Variants in NCALD observed in about 807,000 individuals in gnomAD.
The protein encoded by NCALD is neurocalcin-delta.
In NCALD, 10 loss-of-function variants were observed where a neutral mutation model predicts 18.6. The ratio of observed to expected loss-of-function variants is 0.54; its 90% confidence interval spans 0.33 to 0.91. The LOEUF is 0.91. Ranked by LOEUF, NCALD falls within the 40% of genes least tolerant of loss-of-function variation. The probability of loss-of-function intolerance (pLI) is 0.03; values close to 1 mark genes in which losing one functional copy is unlikely to be tolerated. For missense variants in NCALD, 184 were observed against 247.6 expected (o/e 0.74, Z 1.72); for synonymous variants, 88 against 87.4 (o/e 1.01, Z -0.04).
intron 1 of NCALD, among the ~76,000 whole-genome samples, chr8:101,724,515 A>C (rs1363269898): frequency 1.3e-5 from 2 of 152,224 alleles, no homozygotes; most frequent in African/African-American, 2.4e-5. Flanking sequence ...CTCATCTGTA[A>C]AATGAGTTTA....
chr8:101,744,636 A>G lies in NCALD; in HGVS notation c.-19-24988T>C, dbSNP rs140689094. On this transcript the variant is annotated intron_variant, in intron 1 of 3. Coordinates refer to ENST00000220931, the MANE Select transcript of NCALD (RefSeq NM_032041.3). Reference sequence around the variant, plus strand: ...CCATATATCTTCATTGTCAAGATCAAGCTTAGTCAGGCAAACTACCTATGG... The same window carrying G: ...CCATATATCTTCATTGTCAAGATCAGGCTTAGTCAGGCAAACTACCTATGG... 4.6e-3 allele frequency among the ~76,000 whole-genome samples: 699 copies of G among 152,314 alleles called. 9 individuals are homozygous for G. The highest frequency in any genetic ancestry group is 0.015 in the African/African-American group (616 of 41,574).
intron 1 of NCALD, among the ~76,000 whole-genome samples, chr8:101,790,151 C>T (rs551642208): frequency 6.6e-6 from 1 of 152,286 alleles, no homozygotes; most frequent in African/African-American, 2.4e-5. Context: ...TCATGCCATT[C>T]TCTTCACAGC....
intron 4 of NCALD, among the ~76,000 whole-genome samples, chr8:101,869,288 G>A (rs1220235020): frequency 2.0e-5 from 3 of 152,132 alleles, no homozygotes; most frequent in African/African-American, 7.2e-5. Flanking sequence ...GAGAGAGGGA[G>A]GAGGATCAGA....
At chr8:101,891,941 C>T (rs949133442) in intron 3 of NCALD, among the ~76,000 whole-genome samples, 7 of 152,302 alleles carry the variant, frequency 4.6e-5, no homozygotes, top group Admixed American at 4.6e-4. Flanking sequence ...GGGGGAGGGG[C>T]GCCCGCAATT....
chr8:101,688,735 C>A lies in NCALD; in HGVS notation c.*574G>T. ...TTTTTCCTCTCCTCTGTTAATTTAT[C>A]TTGAAATGTTCACAGCTTAGAAACT... On this transcript the variant is annotated 3_prime_UTR_variant, in exon 4 of 4. Transcript: ENST00000220931. 2 of 516,342 alleles carry A rather than the reference C, an allele frequency of 3.9e-6. No individual in the cohort carries two copies. Among genetic ancestry groups the A allele is most frequent in the Middle Eastern group, 3.0e-4 (1 of 3,380 alleles). 32.0% of individuals were successfully genotyped at this position (516,342 alleles called of 1,614,324 possible). A position where few individuals can be genotyped will look rare whatever the true frequency, so the allele number is the denominator to read the frequency against.
intron 2 of NCALD, among the ~76,000 whole-genome samples, chr8:101,922,115 A>T (rs1818186346): frequency 6.6e-6 from 1 of 151,876 alleles, no homozygotes; most frequent in African/African-American, 2.4e-5. Flanking sequence ...TTATGATTTA[A>T]AATATAATTA....
At chr8:101,900,788 C>T (rs565278834) in intron 3 of NCALD, among the ~76,000 whole-genome samples, 2 of 151,876 alleles carry the variant, frequency 1.3e-5, no homozygotes, top group African/African-American at 2.4e-5. Context: ...TTTTGGTATA[C>T]ATTTTGTTAG....
At chr8:101,843,582 G>GTTTTTTTTTTTTTTTTTTT (rs369393213) in intron 4 of NCALD, among the ~76,000 whole-genome samples, 1 of 125,140 alleles carries the variant, frequency 8.0e-6, no homozygotes, top group African/African-American at 3.3e-5. Flanking sequence ...TTTAAAAATT[G>GTTTTTTTTTTTTTTTTTTT]TTTTTTTTTT....
At position 101,688,973 on chromosome 8, in the gene NCALD, G is replaced by T; in HGVS notation, c.*336C>A. On this transcript the variant is annotated 3_prime_UTR_variant, in exon 4 of 4. Coordinates refer to ENST00000220931, the MANE Select transcript of NCALD (RefSeq NM_032041.3). ...AAGCTTGCAATAGAATCACAGGACT[G>T]GATGGGTTTCCCTTCTTTTGCCCCA... 1 of 672,718 alleles carries T rather than the reference G, an allele frequency of 1.5e-6. No homozygotes were observed. The highest frequency in any genetic ancestry group is 2.3e-5 in the Admixed American group (1 of 43,950). The allele number at this position is 672,718 out of a possible 1,614,324, so 41.7% of individuals were successfully genotyped here.
At chr8:101,929,415 A>C (rs1168195450) in intron 2 of NCALD, among the ~76,000 whole-genome samples, 2 of 18,388 alleles carry the variant, frequency 1.1e-4, no homozygotes, top group South Asian at 4.6e-3. Context: ...GGGAGGGAGG[A>C]AGGGAGGGAG....
rs16868236 is a variant in NCALD, at chr8:101,724,369, C to T, written c.-19-4721G>A. Among the ~76,000 whole-genome samples the T allele has an allele frequency of 3.6e-3, 548 of 152,256 alleles. 1 individual carries two copies. The highest frequency in any genetic ancestry group is 5.1e-3 in the Non-Finnish European group (349 of 68,014). ...GAATATAATCTGTTGGGAACTATGA[C>T]ACGTTGGCCTCCTGGATGTCCTGTT... On this transcript the variant is annotated intron_variant, in intron 1 of 3. Transcript: ENST00000220931.
At chr8:102,028,656 C>T (rs1195014555) in intron 1 of NCALD, among the ~76,000 whole-genome samples, 1 of 152,206 alleles carries the variant, frequency 6.6e-6, no homozygotes, top group African/African-American at 2.4e-5. Flanking sequence ...TGGTCCCTGC[C>T]CCAACACAAG....
At chr8:102,036,143 A>AAATAAATT (rs1554583488) in intron 1 of NCALD, among the ~76,000 whole-genome samples, 1,998 of 148,278 alleles carry the variant, frequency 0.013, 45 homozygotes, top group African/African-American at 0.046. Flanking sequence ...ATAAATAAAT[A>AAATAAATT]AATTAATTAA....
intron 2 of NCALD, among the ~76,000 whole-genome samples, chr8:101,968,610 G>C (rs1820122199): frequency 6.6e-6 from 1 of 152,120 alleles, no homozygotes; most frequent in Non-Finnish European, 1.5e-5. Context: ...AATGCTTGCT[G>C]TAATGCCTGC....
At chr8:101,875,208 C>A (rs796782643) in intron 4 of NCALD, among the ~76,000 whole-genome samples, 61 of 152,272 alleles carry the variant, frequency 4.0e-4, no homozygotes, top group African/African-American at 1.4e-3. Flanking sequence ...GAGGTAAAGT[C>A]ATTTGTTCCA....
At chr8:101,775,441 G>T (rs556216475) in intron 1 of NCALD, among the ~76,000 whole-genome samples, 17 of 152,282 alleles carry the variant, frequency 1.1e-4, no homozygotes, top group Non-Finnish European at 2.1e-4. Context: ...AATCACCACA[G>T]GTTTTATAGA....
chr8:101,950,077 A>G (rs1329198961), intron 2 of NCALD, among the ~76,000 whole-genome samples: 1 of 152,234 alleles, frequency 6.6e-6, no homozygotes, highest in Non-Finnish European at 1.5e-5. Context: ...GGTTGACAGG[A>G]TGATGGATTG....
intron 2 of NCALD, among the ~76,000 whole-genome samples, chr8:102,003,557 G>C (rs1431319727): frequency 6.6e-6 from 1 of 152,146 alleles, no homozygotes; most frequent in Non-Finnish European, 1.5e-5. Flanking sequence ...TGATACCAAA[G>C]CCTGGCAGAG....
intron 1 of NCALD, among the ~76,000 whole-genome samples, chr8:101,762,591 CTT>C (rs577820477): frequency 2.3e-4 from 33 of 140,496 alleles, no homozygotes; most frequent in South Asian, 9.2e-4. Flanking sequence ...ACAAAGTCTA[CTT>C]TTTTTTTTTT....
Sources: gnomAD v4.1 joint callset for allele counts (sites outside exome capture counted in the v4.1 genomes callset) on GRCh38, gnomAD v4.1.1 for gene constraint, MANE v1.5 for transcripts, NCBI Gene and HGNC (gene_info 2026-07-23, HGNC 2026-07-21) for gene names.